Variants in CPLANE1 observed in about 807,000 individuals in gnomAD.
The protein encoded by CPLANE1 is ciliogenesis and planar polarity effector 1.
Under a neutral mutation model 362.5 loss-of-function variants are expected in CPLANE1, and 263 were observed. The ratio of observed to expected loss-of-function variants is 0.73; its 90% CI spans 0.66 to 0.80. The LOEUF is 0.80. Among genes scored for constraint, CPLANE1 ranks in the 30% least tolerant of loss-of-function variants. The probability of loss-of-function intolerance (pLI) is 0.00; values close to 1 mark genes in which losing one functional copy is unlikely to be tolerated. For missense variants in CPLANE1, 3,461 were observed against 3,793.4 expected (o/e 0.91, Z 2.30); for synonymous variants, 1,212 against 1,302.6 (o/e 0.93, Z 1.50).
At chr5:37,108,127 G>T (rs1369951263) in intron 52 of CPLANE1, among the ~76,000 whole-genome samples, 166 bp downstream of exon 52, 1 of 152,192 alleles carries the variant, frequency 6.6e-6, no homozygotes. Context: ...GAAGTACTAA[G>T]CCAAAAGGGA....
intron 41 of CPLANE1, among the ~76,000 whole-genome samples, chr5:37,155,236 A>C (rs373994084): frequency 6.6e-5 from 10 of 152,350 alleles, no homozygotes; most frequent in African/African-American, 2.4e-4. Flanking sequence ...TCACCTTAAA[A>C]GTCCAAATGC....
At position 37,227,803 on chromosome 5, in the gene CPLANE1, G is replaced by A. The variant is rs373606997; in HGVS notation, c.1136C>T (p.Thr379Met). Residue 379 changes from threonine (T) to methionine (M), a missense_variant, in exon 10 of 53, where the codon ACG (threonine) becomes ATG (methionine). Around this residue, in one of 2 missense-constraint regions of CPLANE1, gnomAD observed 3,380 missense variants for 3,666.1 expected, o/e 0.92. Coordinates refer to ENST00000651892, the MANE Select transcript of CPLANE1 (RefSeq NM_001384732.1). ...PLITYRPQQFTFQDSNNSVDS... is the reference protein window; with the variant it reads ...PLITYRPQQFMFQDSNNSVDS... ...AACAGAATTATTTGAATCTTGAAAC[G>A]TAAACTGCTGTGGTCTAGTAAACAA... 964 of 1,550,344 alleles carry A rather than the reference G, an allele frequency of 6.2e-4. 12 individuals carry two copies. In the South Asian group the frequency reaches 0.011, roughly 17 times the overall value.
At chr5:37,129,763 G>A (rs189324756) in intron 46 of CPLANE1, among the ~76,000 whole-genome samples, 12 of 152,234 alleles carry the variant, frequency 7.9e-5, no homozygotes, top group African/African-American at 1.4e-4. Flanking sequence ...GCAGGGATGC[G>A]GTTAAAAGGG....
chr5:37,092,117 C>G, the CPLANE1 span, among the ~76,000 whole-genome samples: 1 of 152,198 alleles, frequency 6.6e-6, no homozygotes, highest in African/African-American at 2.4e-5. Flanking sequence ...ATCTTAGACC[C>G]GCCTTTCTTT....
In CPLANE1 at chr5:37,227,703, G is replaced by A. The variant is rs1284031069; in HGVS notation, c.1236C>T (p.Leu412=). 2.1e-5 allele frequency: 33 copies of A among 1,551,324 alleles called. No homozygotes were observed. Among genetic ancestry groups the A allele is most frequent in the Non-Finnish European group, 2.8e-5 (32 of 1,146,884 alleles). The part of the protein sequence containing the change: ...SIKAHSRLPY[L]VISDGYMVTT... ...TGACCATATATCCATCAGATATAAC[G>A]AGGTAGGGTAACCGTGAGTGTGCTT... The change falls in exon 10 of 53, where the codon CTC becomes CTT. Residue 412 remains leucine, a synonymous_variant. Coordinates refer to ENST00000651892, the MANE Select transcript of CPLANE1 (RefSeq NM_001384732.1).
intron 37 of CPLANE1, 122 bp downstream of exon 37, chr5:37,164,151 C>G: frequency 1.5e-5 from 11 of 728,796 alleles, no homozygotes; most frequent in Non-Finnish European, 2.6e-5. Context: ...AGTATAGGAA[C>G]CCTTGAATTT....
intron 16 of CPLANE1, among the ~76,000 whole-genome samples, chr5:37,208,683 C>T (rs552185523): frequency 1.7e-5 from 2 of 120,142 alleles, no homozygotes; most frequent in East Asian, 2.6e-4. Context: ...TCTCCCCCCC[C>T]CCCCAAAAAA....
intron 8 of CPLANE1, among the ~76,000 whole-genome samples, chr5:37,234,992 G>A (rs1798627637): frequency 6.6e-6 from 1 of 151,998 alleles, no homozygotes; most frequent in African/African-American, 2.4e-5. Context: ...CCTAGTCAGA[G>A]CAATCAGGCA....
intron 32 of CPLANE1, among the ~76,000 whole-genome samples, chr5:37,172,297 G>A: frequency 6.6e-6 from 1 of 152,100 alleles, no homozygotes; most frequent in East Asian, 1.9e-4. Context: ...AAGAATCTAA[G>A]GTTAGCCACT....
chr5:37,103,201 C>A (rs940414285), downstream of CPLANE1, among the ~76,000 whole-genome samples: 1 of 152,074 alleles, frequency 6.6e-6, no homozygotes, highest in Non-Finnish European at 1.5e-5. Context: ...AGGATTGTGA[C>A]CCCAGCTTTT....
At chr5:37,082,152 G>C in the CPLANE1 span, among the ~76,000 whole-genome samples, 1 of 151,528 alleles carries the variant, frequency 6.6e-6, no homozygotes, top group African/African-American at 2.4e-5. Flanking sequence ...CAGAGGTAAT[G>C]GCTGACTTTC....
chr5:37,176,463 C>T (rs1044925275), intron 30 of CPLANE1, among the ~76,000 whole-genome samples: 7 of 152,002 alleles, frequency 4.6e-5, no homozygotes, highest in Admixed American at 4.6e-4. Context: ...TGGCGAATCC[C>T]ATCTCTAAAA....
rs1763830978 is a variant in CPLANE1 at position 37,125,310 on chromosome 5, C to T, written c.8892G>A (p.Lys2964=). 9 of 1,613,846 alleles carry T rather than the reference C, an allele frequency of 5.6e-6. No individual in the cohort carries two copies. The African/African-American group carries it at 6.7e-5, about 12-fold the overall frequency. Residue 2964 remains lysine (K), a synonymous_variant, in exon 47 of 53, where the codon AAG becomes AAA. Coordinates refer to ENST00000651892, the MANE Select transcript of CPLANE1 (RefSeq NM_001384732.1). ...TCTTTTCTGCCAGCTCATTTAAGTA[C>T]TTTGCCATTCTTTCTTTTCGTTTTC... ...MKRKRKERMA[K]YLNELAEKRG...
chr5:37,198,285 T>C (rs1788139178), intron 20 of CPLANE1, among the ~76,000 whole-genome samples: 1 of 152,150 alleles, frequency 6.6e-6, no homozygotes, highest in South Asian at 2.1e-4. Flanking sequence ...CCCTGACTAG[T>C]GGAGGCTACC....
At chr5:37,211,732 G>C (rs1792661791) in intron 16 of CPLANE1, 1 of 779,890 alleles carries the variant, frequency 1.3e-6, no homozygotes, top group African/African-American at 1.7e-5. Flanking sequence ...CCCTTCTCCA[G>C]CCCTCCGGAG....
chr5:37,245,960 A>G, intron 2 of CPLANE1, 115 bp from the exon 3 acceptor site: 1 of 1,024,082 alleles, frequency 9.8e-7, no homozygotes, highest in Non-Finnish European at 1.4e-6. Context: ...ATCCATTTGT[A>G]CCACAAATCA....
chr5:37,245,268 C>A (rs1739178895), intron 4 of CPLANE1, among the ~76,000 whole-genome samples: 1 of 139,094 alleles, frequency 7.2e-6, no homozygotes, highest in East Asian at 2.1e-4. Flanking sequence ...CAAGTTGAGT[C>A]TCAGTATCAC....
chr5:37,157,424 C>T lies in CPLANE1; in HGVS notation c.8012-4G>A. ...TCCAGACAAGCTGGAGTTACTTCTG[C>T]AGGTTTAGAAAATAAATCCATAGAG... On this transcript the variant is annotated splice_region_variant and splice_polypyrimidine_tract_variant and intron_variant, in intron 40 of 52. Transcript: ENST00000651892. 2 of 1,486,114 alleles carry T rather than the reference C, an allele frequency of 1.3e-6. No homozygotes were observed. Among genetic ancestry groups the T allele is most frequent in the Non-Finnish European group, 1.8e-6 (2 of 1,108,454 alleles). The allele number at this position is 1,486,114 out of a possible 1,614,324, so 92.1% of individuals were successfully genotyped here.
chr5:37,169,535 T>A lies in CPLANE1; in HGVS notation c.6489A>T (p.Leu2163Phe), dbSNP rs763759036. The A allele has an allele frequency of 6.8e-6, 11 of 1,612,246 alleles. No homozygotes were observed. Among genetic ancestry groups the A allele is most frequent in the Non-Finnish European group, 9.3e-6 (11 of 1,179,070 alleles). ...VQNVPHGSIP[L>F]CQLNGQPRKK... is the part of the protein sequence containing the mutation. ...TCCGGGGCTGGCCATTTAATTGACA[T>A]AAAGGAATACTCCCATGTGGAACAT... Residue 2163 changes from leucine to phenylalanine, a missense_variant, in exon 34 of 53, where the codon TTA (leucine) becomes TTT (phenylalanine). Transcript: ENST00000651892.
Sources: allele counts gnomAD v4.1 joint callset (sites outside exome capture counted in the v4.1 genomes callset), GRCh38; gene constraint gnomAD v4.1.1; regional missense constraint gnomAD v4.1.1; transcripts MANE v1.5; gene names NCBI Gene and HGNC (gene_info 2026-07-23, HGNC 2026-07-21).